Variants in TIGD7 observed in about 807,000 individuals in gnomAD.
TIGD7 encodes tigger transposable element-derived protein 7.
A neutral mutation model predicts 24.8 loss-of-function variants in TIGD7; 26 were observed. The ratio of observed to expected loss-of-function variants is 1.05; its 90% confidence interval spans 0.77 to 1.45. The LOEUF (loss-of-function observed/expected upper bound fraction) is 1.45. Among genes scored for constraint, TIGD7 ranks in the 40% most tolerant of loss-of-function variants. The pLI, the probability that TIGD7 is intolerant of heterozygous loss-of-function variation, is 0.00. For missense variants in TIGD7, 679 were observed against 641.6 expected (o/e 1.06, Z -0.63); for synonymous variants, 221 against 224.1 (o/e 0.99, Z 0.12).
rs780731181 is a variant in TIGD7 at position 3,299,997 on chromosome 16, G to A, written c.618C>T (p.Asn206=). ...ATAAAAAGGCAGACAACCTTTCTTT[G>A]TTTATTTTCTTCCCTGGTAGGCAGA... is the stretch of plus-strand genomic sequence containing the variant. ...KDICLPGKKI[N]KERLSAFLCA... The change falls in exon 2 of 2, where the codon AAC becomes AAT. Residue 206 remains asparagine, a synonymous_variant. Coordinates refer to ENST00000396862, the MANE Select transcript of TIGD7 (RefSeq NM_033208.4). The A allele has an allele frequency of 6.2e-7, 1 of 1,613,984 alleles. No homozygotes were observed. The highest frequency in any genetic ancestry group is 8.5e-7 in the Non-Finnish European group (1 of 1,179,954).
At position 3,299,718 on chromosome 16, in the gene TIGD7, C is replaced by T. The variant is rs927148740; in HGVS notation, c.897G>A (p.Pro299=). 3.9e-6 allele frequency: 6 copies of T among 1,534,910 alleles called. 1 individual carries two copies. The South Asian group carries it at 3.9e-5, about 10-fold the overall frequency. The change falls in exon 2 of 2, where the codon CCG becomes CCA. Residue 299 remains proline, a synonymous_variant. Coordinates refer to ENST00000396862, the MANE Select transcript of TIGD7 (RefSeq NM_033208.4). The part of the protein sequence containing the change: ...VRALLLLDSC[P]AHPSSESLTS... ...TTAGGGATTCAGAGGAAGGATGAGC[C>T]GGGCAACTGTCCAGAAGTAACAATG...
Position 3,299,159 on chromosome 16 carries a change from A to C in TIGD7, c.1456T>G (p.Tyr486Asp), listed in dbSNP as rs1165810294. Reference sequence around the variant, plus strand: ...GTGGCATCAACAAAGTCAAGAAGGTAGTCCAAACTCTCTCTTACAGCAGAT... The same window carrying C: ...GTGGCATCAACAAAGTCAAGAAGGTCGTCCAAACTCTCTCTTACAGCAGAT... Reference protein sequence around the residue: ...KLSAVRESLDYLLDFVDATPE... With the variant: ...KLSAVRESLDDLLDFVDATPE... The change falls in exon 2 of 2, where the codon TAC (tyrosine) becomes GAC (aspartate). Residue 486 changes from tyrosine (Y) to aspartate (D), a missense_variant. By Grantham distance (160) the Tyr-to-Asp change is radical. Coordinates refer to ENST00000396862, the MANE Select transcript of TIGD7 (RefSeq NM_033208.4). The C allele has an allele frequency of 6.5e-7, 1 of 1,545,050 alleles. No individual in the cohort carries two copies. Among genetic ancestry groups the C allele is most frequent in the Admixed American group, 2.1e-5 (1 of 47,766 alleles).
At chr16:3,302,929 C>G (rs1222677658) in intron 1 of TIGD7, among the ~76,000 whole-genome samples, 1 of 151,374 alleles carries the variant, frequency 6.6e-6, no homozygotes, top group Non-Finnish European at 1.5e-5. Flanking sequence ...CCTCTGCCTC[C>G]AGGGTTCAGG....
chr16:3,305,140 A>ATT (rs1960097982), intron 1 of TIGD7, 72 bp downstream of exon 1: 1 of 152,260 alleles, frequency 6.6e-6, no homozygotes, highest in African/African-American at 2.4e-5. Flanking sequence ...GCCCAGCAAC[A>ATT]GCTCGAGCAC....
At chr16:3,302,359 C>T (rs1959961107) in intron 1 of TIGD7, among the ~76,000 whole-genome samples, 1 of 152,154 alleles carries the variant, frequency 6.6e-6, no homozygotes, top group Non-Finnish European at 1.5e-5. Flanking sequence ...AACTTCTGAA[C>T]TCATGATCCG....
At position 3,305,272 on chromosome 16, in the gene TIGD7, C is replaced by G. The variant is rs1188930260; in HGVS notation, c.-1456G>C. 1 of 152,262 alleles carries G rather than the reference C, an allele frequency of 6.6e-6. No individual in the cohort carries two copies. The highest frequency in any genetic ancestry group is 2.4e-5 in the African/African-American group (1 of 41,466). 9.4% of individuals were successfully genotyped at this position (152,262 alleles called of 1,614,324 possible). A position where few individuals can be genotyped will look rare whatever the true frequency, so the allele number is the denominator to read the frequency against. On this transcript the variant is annotated 5_prime_UTR_variant, in exon 1 of 2. Transcript: ENST00000396862. ...GCCACGCAGAACAGACGCGGCAGTG[C>G]GACGCCTCCCCCACTGGGGACACGA...
chr16:3,303,792 C>T (rs988310630), intron 1 of TIGD7: 1 of 152,174 alleles, frequency 6.6e-6, no homozygotes, highest in African/African-American at 2.4e-5. Flanking sequence ...CAGCTCAGTC[C>T]AAAACGCTCA....
rs1056039800 is a variant in TIGD7 at position 3,300,763 on chromosome 16, G to C, written c.-149C>G. 60 of 1,349,624 alleles carry C rather than the reference G, an allele frequency of 4.4e-5. 1 individual carries two copies. The African/African-American group carries it at 7.9e-4, about 18-fold the overall frequency. The allele number at this position is 1,349,624 out of a possible 1,614,324, so 83.6% of individuals were successfully genotyped here. A position where few individuals can be genotyped will look rare whatever the true frequency, so the allele number is the denominator to read the frequency against. On this transcript the variant is annotated 5_prime_UTR_variant, in exon 2 of 2. Transcript: ENST00000396862. ...TGTATTGGAGGATAATGGACTGAAG[G>C]GGCTAACCATGACTGAAGAGCTAGT...
intron 1 of TIGD7, among the ~76,000 whole-genome samples, chr16:3,302,991 C>G (rs1959983517): frequency 6.6e-6 from 1 of 152,080 alleles, no homozygotes; most frequent in African/African-American, 2.4e-5. Flanking sequence ...GCACGCACCA[C>G]CATGCCCCGC....
At chr16:3,304,435 G>C (rs557281499) in intron 1 of TIGD7, among the ~76,000 whole-genome samples, 1 of 152,268 alleles carries the variant, frequency 6.6e-6, no homozygotes, top group South Asian at 2.1e-4. Context: ...ACAGCATTCA[G>C]TTTATGTCCT....
rs1394325692 is a variant in TIGD7, at chr16:3,305,395, A to G, written c.-1579T>C. On this transcript the variant is annotated 5_prime_UTR_variant, in exon 1 of 2. Transcript: ENST00000396862. ...TAACCCTTCCCTACCGCCGGGGAAG[A>G]CAGCAGTTTCTCTGGCGAGGAAGTA... 6.6e-6 allele frequency: 1 copy of G among 152,356 alleles called. No individual in the cohort carries two copies. The highest frequency in any genetic ancestry group is 2.4e-5 in the African/African-American group (1 of 41,474). 9.4% of individuals were successfully genotyped at this position (152,356 alleles called of 1,614,324 possible). A position where few individuals can be genotyped will look rare whatever the true frequency, so the allele number is the denominator to read the frequency against.
rs534783376 is a variant in TIGD7 at position 3,299,127 on chromosome 16, C to A, written c.1488G>T (p.Glu496Asp). The A allele has an allele frequency of 8.8e-6, 13 of 1,470,730 alleles. No homozygotes were observed. Among genetic ancestry groups the A allele is most frequent in the African/African-American group, 8.7e-5 (6 of 69,238 alleles). 91.1% of individuals were successfully genotyped at this position (1,470,730 alleles called of 1,614,324 possible). A position where few individuals can be genotyped will look rare whatever the true frequency, so the allele number is the denominator to read the frequency against. Residue 496 changes from glutamate (E) to aspartate (D), a missense_variant, in exon 2 of 2, where the codon GAG (glutamate) becomes GAT (aspartate). Coordinates refer to ENST00000396862, the MANE Select transcript of TIGD7 (RefSeq NM_033208.4). ...YLLDFVDATP[E>D]FQRFHFTLKE... ...TCAGTGTGAAGTGGAATCTCTGAAA[C>A]TCAGGTGTGGCATCAACAAAGTCAA...
rs771859538 is a variant in TIGD7, at chr16:3,299,653, T to C, written c.962A>G (p.His321Arg). 9 of 1,560,260 alleles carry C rather than the reference T, an allele frequency of 5.8e-6. No homozygotes were observed. The highest frequency in any genetic ancestry group is 6.9e-6 in the Non-Finnish European group (8 of 1,159,962). Residue 321 changes from histidine to arginine, a missense_variant, in exon 2 of 2, where the codon CAT becomes CGT. His to Arg is a conservative substitution (Grantham distance 29). Transcript: ENST00000396862. ...DGRIKCMFFPHNTSTLIQPMN... is the reference protein window; with the variant it reads ...DGRIKCMFFPRNTSTLIQPMN... ...TGGTTGAATCAAGGTTGAAGTGTTA[T>C]GGGGGAAGAACATACATTTTATTCG...
chr16:3,300,381 ACCATATTTGGCT>A lies in TIGD7; in HGVS notation c.222_233del (p.Ala75_Gly78del). 1 of 1,614,146 alleles carries A rather than the reference ACCATATTTGGCT, an allele frequency of 6.2e-7. No homozygotes were observed. The highest frequency in any genetic ancestry group is 8.5e-7 in the Non-Finnish European group (1 of 1,180,014). On this transcript the variant is annotated inframe_deletion, in exon 2 of 2. Transcript: ENST00000396862. ...ACATGTAGACCGCATCATCTACATC[ACCATATTTGGCT>A]CCCGTTGTCCTCTTTCTCTTCTCAG...
intron 1 of TIGD7, chr16:3,303,741 T>C (rs1322021655): frequency 6.6e-6 from 1 of 152,244 alleles, no homozygotes; most frequent in Non-Finnish European, 1.5e-5. Flanking sequence ...CTCATCTTCA[T>C]TCTCACCTTA....
rs371284516 is a variant in TIGD7, at chr16:3,299,832, C to T, written c.783G>A (p.Leu261=). 33 of 1,590,184 alleles carry T rather than the reference C, an allele frequency of 2.1e-5. No individual in the cohort carries two copies. The highest frequency in any genetic ancestry group is 3.7e-5 in the Admixed American group (2 of 54,400). The change falls in exon 2 of 2, where the codon TTG becomes TTA. Residue 261 remains leucine, a synonymous_variant. Transcript: ENST00000396862. ...AGTTTTGAAAAAACCATTCTGAAAA[C>T]AATTCTCTGGTGAACCAAACATCTT... ...PSKDVWFTRE[L]FSEWFFQNFV... is the part of the protein sequence containing the mutation.
At chr16:3,302,326 C>G (rs1189411455) in intron 1 of TIGD7, among the ~76,000 whole-genome samples, 2 of 152,182 alleles carry the variant, frequency 1.3e-5, no homozygotes, top group Non-Finnish European at 2.9e-5. Flanking sequence ...GAGGATTTCA[C>G]TATGTTGGCC....
Position 3,299,801 on chromosome 16 carries a change from G to A in TIGD7, c.814C>T (p.Pro272Ser). ...FSEWFFQNFV[P>S]EVRHFQLNVL... ...TTAAGTTGAAAATGTCGGACCTCAGGAACAAAGTTTTGAAAAAACCATTCT... is the reference window on the plus strand; with the variant it reads ...TTAAGTTGAAAATGTCGGACCTCAGAAACAAAGTTTTGAAAAAACCATTCT... Residue 272 changes from proline (P) to serine (S), a missense_variant, in exon 2 of 2, where the codon CCT becomes TCT. By Grantham distance (74) the Pro-to-Ser change is moderately conservative. Coordinates refer to ENST00000396862, the MANE Select transcript of TIGD7 (RefSeq NM_033208.4). 6.3e-7 allele frequency: 1 copy of A among 1,584,782 alleles called. No homozygotes were observed. The highest frequency in any genetic ancestry group is 1.9e-5 in the Admixed American group (1 of 53,414).
Position 3,300,337 on chromosome 16 carries a change from G to A in TIGD7, c.278C>T (p.Ser93Leu). 3.1e-6 allele frequency: 5 copies of A among 1,614,224 alleles called. No homozygotes were observed. The East Asian group carries it at 6.7e-5, about 22-fold the overall frequency. Residue 93 changes from serine to leucine, a missense_variant, in exon 2 of 2, where the codon TCA (serine) becomes TTA (leucine). Transcript: ENST00000396862. ...AVYMWYQQKR[S>L]AGVPVRGVEL... ...CACGCCTCTTACCGGAACACCGGCT[G>A]AGCGTTTCTGTTGGTACCACATGTA...
Sources: allele counts gnomAD v4.1 joint callset (sites outside exome capture counted in the v4.1 genomes callset), GRCh38; gene constraint gnomAD v4.1.1; transcripts MANE v1.5; gene names NCBI Gene and HGNC (gene_info 2026-07-23, HGNC 2026-07-21).